Variants in ENPP6 observed in about 807,000 individuals in gnomAD.
ENPP6 encodes ectonucleotide pyrophosphatase/phosphodiesterase 6, also known as glycerophosphocholine cholinephosphodiesterase ENPP6.
ENPP6 carries 32 observed loss-of-function variants against 42.0 expected under a neutral mutation model. That is an observed-to-expected ratio of 0.76 (90% CI 0.58 to 1.02). The LOEUF (loss-of-function observed/expected upper bound fraction) is 1.02. ENPP6 is among the 50% of genes least tolerant of loss of function. ENPP6 has a pLI of 0.00. For missense variants in ENPP6, 552 were observed against 566.8 expected (o/e 0.97, Z 0.27); for synonymous variants, 213 against 216.0 (o/e 0.99, Z 0.12).
chr4:184,117,734 G>A (rs772088679), intron 4 of ENPP6, 25 bp downstream of exon 4: 4 of 1,610,668 alleles, frequency 2.5e-6, no homozygotes, highest in Non-Finnish European at 3.4e-6. Context: ...AGAAGGCCAG[G>A]CCACGTGTCT....
chr4:184,159,140 C>A (rs940573916), intron 1 of ENPP6, among the ~76,000 whole-genome samples: 1 of 152,160 alleles, frequency 6.6e-6, no homozygotes. Flanking sequence ...TCATCAATAA[C>A]CTGTCTGAAA....
intron 2 of ENPP6, among the ~76,000 whole-genome samples, chr4:184,146,701 G>A (rs1045334753): frequency 2.4e-4 from 36 of 152,302 alleles, no homozygotes; most frequent in African/African-American, 7.9e-4. Flanking sequence ...CAGTTGTCAA[G>A]TAGTGTCACT....
chr4:184,132,853 ATAT>A (rs1736663098), intron 2 of ENPP6, among the ~76,000 whole-genome samples: 1 of 146,300 alleles, frequency 6.8e-6, no homozygotes. Flanking sequence ...ATATATATAT[ATAT>A]AAAATCTCCA....
rs532114385 is a variant in ENPP6, at chr4:184,099,930, C to A, written c.994-2562G>T. Among the ~76,000 whole-genome samples the A allele has an allele frequency of 2.9e-4, 44 of 152,356 alleles. 1 individual carries two copies. In the South Asian group the frequency reaches 6.6e-3, roughly 23 times the overall value. ...AACACTTTTGCTATTAACAACCTCA[C>A]CAATTATGAACCTCATAGTCTGTGT... On this transcript the variant is annotated intron_variant, in intron 6 of 7. Transcript: ENST00000296741.
At chr4:184,186,024 C>T (rs1732629356) in intron 1 of ENPP6, among the ~76,000 whole-genome samples, 1 of 152,186 alleles carries the variant, frequency 6.6e-6, no homozygotes, top group African/African-American at 2.4e-5. Flanking sequence ...TAGCAATTTA[C>T]CCTCAGCTGG....
intron 1 of ENPP6, among the ~76,000 whole-genome samples, chr4:184,191,544 G>A (rs1192927055): frequency 6.6e-6 from 1 of 152,130 alleles, no homozygotes; most frequent in Non-Finnish European, 1.5e-5. Flanking sequence ...GCGATGGAGG[G>A]GGAAGCAGAA....
At chr4:184,142,345 C>T (rs1050413115) in intron 2 of ENPP6, among the ~76,000 whole-genome samples, 1 of 152,248 alleles carries the variant, frequency 6.6e-6, no homozygotes, top group African/African-American at 2.4e-5. Flanking sequence ...CTCAAGAGAG[C>T]TTATTAAAAC....
intron 2 of ENPP6, among the ~76,000 whole-genome samples, chr4:184,146,661 C>T (rs1736930952): frequency 6.6e-6 from 1 of 152,180 alleles, no homozygotes; most frequent in South Asian, 2.1e-4. Context: ...GTCTTGCATT[C>T]TTTTGGCCTC....
chr4:184,160,977 A>G (rs1195389054), intron 1 of ENPP6, among the ~76,000 whole-genome samples: 1 of 152,226 alleles, frequency 6.6e-6, no homozygotes, highest in Non-Finnish European at 1.5e-5. Flanking sequence ...CCAACTGAAC[A>G]TTAGACATTC....
In ENPP6 at chr4:184,091,040, A is replaced by G. The variant is rs1307443481; in HGVS notation, c.*137T>C. 4 of 778,170 alleles carry G rather than the reference A, an allele frequency of 5.1e-6. No homozygotes were observed. The African/African-American group carries it at 7.2e-5, about 14-fold the overall frequency. 48.2% of individuals were successfully genotyped at this position (778,170 alleles called of 1,614,324 possible). On this transcript the variant is annotated 3_prime_UTR_variant, in exon 8 of 8. Coordinates refer to ENST00000296741, the MANE Select transcript of ENPP6 (RefSeq NM_153343.4). Reference sequence around the variant, plus strand: ...GGAACTTTTATGTATAGAATTATCCAAGAATAATGTATTTACAATGTGCAT... The same window carrying G: ...GGAACTTTTATGTATAGAATTATCCGAGAATAATGTATTTACAATGTGCAT...
intron 1 of ENPP6, among the ~76,000 whole-genome samples, chr4:184,194,688 C>T (rs79983833): frequency 1.6e-4 from 24 of 152,172 alleles, no homozygotes; most frequent in Admixed American, 1.6e-3. Flanking sequence ...TCAACCTGTC[C>T]CGGGAGTGTA....
rs371335612 is a variant in ENPP6 at position 184,146,377 on chromosome 4, C to G, written c.421+7177G>C. Among the ~76,000 whole-genome samples, 54 of 150,876 alleles carry G rather than the reference C, an allele frequency of 3.6e-4. 1 individual carries two copies. Among genetic ancestry groups the G allele is most frequent in the African/African-American group, 1.2e-3 (51 of 41,110 alleles). The stretch of plus-strand genomic sequence containing the variant: ...CCTGGGAGGCAGAGGTTGCAGCGAG[C>G]TGAGATTGCGCCACTGCACTCCAGC... On this transcript the variant is annotated intron_variant, in intron 2 of 7. Transcript: ENST00000296741.
chr4:184,155,859 G>A (rs774038686), intron 1 of ENPP6, among the ~76,000 whole-genome samples: 27 of 152,096 alleles, frequency 1.8e-4, no homozygotes, highest in Non-Finnish European at 2.5e-4. Flanking sequence ...TCTCTTCAAC[G>A]CACATATTTA....
In ENPP6 at chr4:184,137,286, G is replaced by A. The variant is rs1736744129; in HGVS notation, c.422-13014C>T. 3.9e-5 allele frequency among the ~76,000 whole-genome samples: 6 copies of A among 152,194 alleles called. 1 individual carries two copies. The South Asian group carries it at 1.2e-3, about 32-fold the overall frequency. On this transcript the variant is annotated intron_variant, in intron 2 of 7. Transcript: ENST00000296741. ...TAATTTTTGTATTTTTAATAGAGAT[G>A]GAGTTTCACCATGTTGGCCAGATTG...
chr4:184,146,514 G>C (rs1411489105), intron 2 of ENPP6, among the ~76,000 whole-genome samples: 1 of 152,142 alleles, frequency 6.6e-6, no homozygotes, highest in Non-Finnish European at 1.5e-5. Context: ...ATGCATCCTT[G>C]CTACACAAAG....
intron 1 of ENPP6, among the ~76,000 whole-genome samples, chr4:184,173,834 G>A (rs1737515509): frequency 6.6e-6 from 1 of 152,180 alleles, no homozygotes; most frequent in South Asian, 2.1e-4. Context: ...GCAGCCCTGG[G>A]CATAAGAGAA....
At chr4:184,132,449 T>C (rs1375359415) in intron 2 of ENPP6, among the ~76,000 whole-genome samples, 1 of 152,184 alleles carries the variant, frequency 6.6e-6, no homozygotes, top group Non-Finnish European at 1.5e-5. Flanking sequence ...TATCAACTCG[T>C]TGTTTGTTTT....
At chr4:184,155,512 A>G (rs1467979588) in intron 1 of ENPP6, among the ~76,000 whole-genome samples, 1 of 152,054 alleles carries the variant, frequency 6.6e-6, no homozygotes, top group Non-Finnish European at 1.5e-5. Flanking sequence ...GCAAAATTGG[A>G]AGGGGGTGTG....
intron 1 of ENPP6, among the ~76,000 whole-genome samples, chr4:184,183,820 CAGA>C (rs1405547654): frequency 6.6e-6 from 1 of 152,232 alleles, no homozygotes; most frequent in African/African-American, 2.4e-5. Flanking sequence ...GCCTCACCAG[CAGA>C]AGCATTTTCT....
Sources: gnomAD v4.1 joint callset for allele counts (sites outside exome capture counted in the v4.1 genomes callset) on GRCh38, gnomAD v4.1.1 for gene constraint, MANE v1.5 for transcripts, NCBI Gene and HGNC (gene_info 2026-07-23, HGNC 2026-07-21) for gene names.